The following NXPH1 variants were observed in gnomAD, a reference collection of about 807,000 sequenced individuals.
The protein encoded by NXPH1 is neurexophilin 1.
A neutral mutation model predicts 23.7 loss-of-function variants in NXPH1; 5 were observed. That is an observed-to-expected ratio of 0.21 (90% CI 0.11 to 0.44). The LOEUF (loss-of-function observed/expected upper bound fraction) is 0.44, where lower values mean the gene tolerates loss of function less well. Among genes scored for constraint, NXPH1 ranks in the 20% least tolerant of loss-of-function variants. The pLI is 0.99. For missense variants in NXPH1, 324 were observed against 321.6 expected, an observed-to-expected ratio of 1.01 and a Z score of -0.06; for synonymous variants, 144 against 122.2, an observed-to-expected ratio of 1.18 and a Z score of -1.18.
chr7:8,717,080 C>T (rs566171378), intron 2 of NXPH1, among the ~76,000 whole-genome samples: 4 of 152,168 alleles, frequency 2.6e-5, no homozygotes, highest in African/African-American at 7.2e-5. Context: ...GAAATGTAAC[C>T]ATGTCTTCTC....
intron 2 of NXPH1, among the ~76,000 whole-genome samples, chr7:8,586,862 A>C (rs893873248): frequency 2.3e-4 from 35 of 152,122 alleles, no homozygotes; most frequent in African/African-American, 7.7e-4. Context: ...TTAATGCATC[A>C]GACTATGAAG....
chr7:8,670,866 C>T (rs1162324641), intron 2 of NXPH1, among the ~76,000 whole-genome samples: 3 of 152,086 alleles, frequency 2.0e-5, no homozygotes. Context: ...CTATGGGTTC[C>T]CCTCTGATAC....
At chr7:8,513,775 T>A (rs1817647246) in intron 2 of NXPH1, among the ~76,000 whole-genome samples, 1 of 152,122 alleles carries the variant, frequency 6.6e-6, no homozygotes, top group Non-Finnish European at 1.5e-5. Context: ...CTATGGTTTG[T>A]CAGACTTGCC....
At chr7:8,450,012 A>G (rs775525584) in intron 2 of NXPH1, among the ~76,000 whole-genome samples, 1 of 152,246 alleles carries the variant, frequency 6.6e-6, no homozygotes, top group African/African-American at 2.4e-5. Context: ...CCTGACCAAT[A>G]TGAAAAATGA....
intron 2 of NXPH1, among the ~76,000 whole-genome samples, chr7:8,462,723 T>C (rs2128607083): frequency 6.6e-6 from 1 of 152,352 alleles, no homozygotes; most frequent in South Asian, 2.1e-4. Context: ...GTACATGATA[T>C]ATACAATTTT....
intron 2 of NXPH1, among the ~76,000 whole-genome samples, chr7:8,703,162 T>A (rs59851797): frequency 0.32 from 48,924 of 151,910 alleles, 8,160 homozygotes; most frequent in East Asian, 0.44. Context: ...TCATACTTCC[T>A]TAGAGCTACC....
intron 2 of NXPH1, among the ~76,000 whole-genome samples, chr7:8,471,619 C>T (rs544541297): frequency 6.6e-6 from 1 of 152,234 alleles, no homozygotes; most frequent in Admixed American, 6.5e-5. Flanking sequence ...AGGATTCATC[C>T]ATGGCCTTCA....
intron 2 of NXPH1, among the ~76,000 whole-genome samples, chr7:8,498,886 A>G (rs1817384557): frequency 6.6e-6 from 1 of 152,082 alleles, no homozygotes. Flanking sequence ...TAGATAATGC[A>G]TGAGTGTGGG....
chr7:8,451,392 C>T (rs1584163143), intron 2 of NXPH1, among the ~76,000 whole-genome samples: 1 of 152,302 alleles, frequency 6.6e-6, no homozygotes, highest in Middle Eastern at 3.4e-3. Context: ...TTCCGAAGCA[C>T]AGATGGCTTT....
At chr7:8,462,747 AAAAAT>A (rs1184960903) in intron 2 of NXPH1, among the ~76,000 whole-genome samples, 4 of 152,260 alleles carry the variant, frequency 2.6e-5, no homozygotes, top group African/African-American at 9.6e-5. Flanking sequence ...TTGCCAATGA[AAAAAT>A]AAAACAGAAT....
At chr7:8,527,401 C>A (rs547937843) in intron 2 of NXPH1, among the ~76,000 whole-genome samples, 2 of 152,166 alleles carry the variant, frequency 1.3e-5, no homozygotes, top group Admixed American at 1.3e-4. Flanking sequence ...AGAATCTTAT[C>A]TGCAGTGTAT....
At chr7:8,437,889 C>G (rs1170470311) in intron 2 of NXPH1, among the ~76,000 whole-genome samples, 1 of 152,196 alleles carries the variant, frequency 6.6e-6, no homozygotes. Context: ...CAAAACAATA[C>G]GAAATGTGAA....
intron 2 of NXPH1, among the ~76,000 whole-genome samples, chr7:8,447,011 T>G (rs1398971786): frequency 2.0e-5 from 3 of 152,210 alleles, no homozygotes; most frequent in Admixed American, 6.5e-5. Context: ...GATGCACTGC[T>G]GATGCTGCCC....
rs1816317243 is a variant in NXPH1 at position 8,442,351 on chromosome 7, C to G, written c.54+6584C>G. ...TTCCTTAGAAACTGGCTTGCGGGAGCTCTGCGCGTCCCCGCTGAACCTGCC... is the reference window on the plus strand; with the variant it reads ...TTCCTTAGAAACTGGCTTGCGGGAGGTCTGCGCGTCCCCGCTGAACCTGCC... On this transcript the variant is annotated intron_variant, in intron 2 of 2. Coordinates refer to ENST00000405863, the MANE Select transcript of NXPH1 (RefSeq NM_152745.3). This position sits in a 1 kb window ranked among gnomAD's most constrained non-coding sequence, Gnocchi z 4.6. Among the ~76,000 whole-genome samples the G allele has an allele frequency of 6.6e-6, 1 of 152,186 alleles. No homozygotes were observed. Among genetic ancestry groups the G allele is most frequent in the Non-Finnish European group, 1.5e-5 (1 of 68,022 alleles).
intron 2 of NXPH1, among the ~76,000 whole-genome samples, chr7:8,584,916 C>T (rs10486240): frequency 0.17 from 25,863 of 152,060 alleles, 2,865 homozygotes; most frequent in Non-Finnish European, 0.24. Flanking sequence ...TTAGACTGAC[C>T]ACATAGGAAT....
At chr7:8,667,890 T>C (rs566161706) in intron 2 of NXPH1, among the ~76,000 whole-genome samples, 1 of 152,142 alleles carries the variant, frequency 6.6e-6, no homozygotes, top group East Asian at 1.9e-4. Context: ...TTTTCTTTTT[T>C]CTCCTCTGAT....
chr7:8,604,436 T>C (rs1319287864), intron 2 of NXPH1, among the ~76,000 whole-genome samples: 2 of 152,146 alleles, frequency 1.3e-5, no homozygotes, highest in Admixed American at 6.6e-5. Flanking sequence ...GCCTGCATTT[T>C]CTTTTTAGTT....
rs80214007 is a variant in NXPH1, at chr7:8,442,896, G to A, written c.54+7129G>A. ...AGCGGGCTGGATAGCGGCAGTTCTC[G>A]GGAGAATAGGCCGCGGGCTATAAGA... On this transcript the variant is annotated intron_variant, in intron 2 of 2. Transcript: ENST00000405863. This position sits in a 1 kb window ranked among gnomAD's most constrained non-coding sequence, Gnocchi z 4.6. Among the ~76,000 whole-genome samples, 5,801 of 152,326 alleles carry A rather than the reference G, an allele frequency of 0.038. 136 individuals are homozygous for A. The highest frequency in any genetic ancestry group is 0.054 in the Non-Finnish European group (3,703 of 68,032).
At chr7:8,750,028 T>C (rs1252503911) in intron 2 of NXPH1, among the ~76,000 whole-genome samples, 1 of 152,228 alleles carries the variant, frequency 6.6e-6, no homozygotes, top group Non-Finnish European at 1.5e-5. Flanking sequence ...CAATCCACCC[T>C]GAAGTGACCT....
Sources: gnomAD v4.1 joint callset for allele counts (sites outside exome capture counted in the v4.1 genomes callset) on GRCh38, gnomAD v4.1.1 for gene constraint, Gnocchi (gnomAD v3.1) non-coding constraint, MANE v1.5 for transcripts, NCBI Gene and HGNC (gene_info 2026-07-23, HGNC 2026-07-21) for gene names.